Variants in MFAP3L observed in about 807,000 individuals in gnomAD.
MFAP3L encodes microfibril associated protein 3 like.
In MFAP3L, 5 loss-of-function variants were observed where a neutral mutation model predicts 20.0. The ratio of observed to expected loss-of-function variants is 0.25; its 90% CI spans 0.13 to 0.53. MFAP3L has a LOEUF of 0.53. Ranked by LOEUF, MFAP3L falls within the 20% of genes least tolerant of loss-of-function variation. The probability of loss-of-function intolerance (pLI) is 0.96; values close to 1 mark genes in which losing one functional copy is unlikely to be tolerated. For synonymous variants in MFAP3L, 219 were observed against 213.0 expected, an observed-to-expected ratio of 1.03 and a Z score of -0.25; for missense variants, 409 against 527.5, an observed-to-expected ratio of 0.78 and a Z score of 2.20.
chr4:170,019,092 G>T (rs1739874208), intron 1 of MFAP3L, among the ~76,000 whole-genome samples: 1 of 152,186 alleles, frequency 6.6e-6, no homozygotes, highest in African/African-American at 2.4e-5. Flanking sequence ...CCTAGGACCA[G>T]GGAAAACGGG....
rs867465021 is a variant in MFAP3L at position 170,005,809 on chromosome 4, G to A, written c.69C>T (p.Ser23=). The part of the protein sequence containing the change: ...LPSVPFLILV[S]TLATAKSVTN... ...TCACACTCTTAGCGGTGGCTAGAGTGGATACTAGGATTAAAAAGGGCACAG... is the reference window on the plus strand; with the variant it reads ...TCACACTCTTAGCGGTGGCTAGAGTAGATACTAGGATTAAAAAGGGCACAG... The change falls in exon 2 of 3, where the codon TCC becomes TCT. Residue 23 remains serine (S), a synonymous_variant. Transcript: ENST00000361618. 1.2e-6 allele frequency: 2 copies of A among 1,614,182 alleles called. No homozygotes were observed. The highest frequency in any genetic ancestry group is 1.7e-6 in the Non-Finnish European group (2 of 1,180,046).
intron 1 of MFAP3L, among the ~76,000 whole-genome samples, chr4:170,025,153 T>C (rs1046587596): frequency 7.2e-5 from 11 of 152,206 alleles, no homozygotes; most frequent in Admixed American, 2.0e-4. Flanking sequence ...CAAATTGCAC[T>C]TTCTGTGTAA....
At chr4:169,995,507 T>C (rs1229098218) in intron 2 of MFAP3L, among the ~76,000 whole-genome samples, 3 of 152,200 alleles carry the variant, frequency 2.0e-5, no homozygotes, top group Admixed American at 2.0e-4. Context: ...TCCTCCCGCA[T>C]CAGCTTTGGG....
At chr4:169,999,030 T>C (rs1738420874) in intron 2 of MFAP3L, among the ~76,000 whole-genome samples, 1 of 152,248 alleles carries the variant, frequency 6.6e-6, no homozygotes, top group African/African-American at 2.4e-5. Flanking sequence ...ATAGGATTCA[T>C]GCCTTTTTAC....
chr4:170,003,256 C>T (rs531695847), intron 2 of MFAP3L, among the ~76,000 whole-genome samples: 1 of 152,260 alleles, frequency 6.6e-6, no homozygotes, highest in Non-Finnish European at 1.5e-5. Flanking sequence ...CTGCTGGCTA[C>T]AAACCAGAGT....
Position 169,991,461 on chromosome 4 carries a change from G to C in MFAP3L, c.1147C>G (p.Leu383Val). 1.2e-6 allele frequency: 2 copies of C among 1,614,166 alleles called. No individual in the cohort carries two copies. The highest frequency in any genetic ancestry group is 1.7e-6 in the Non-Finnish European group (2 of 1,180,038). The change falls in exon 3 of 3, where the codon CTG becomes GTG. Residue 383 changes from leucine to valine, a missense_variant. By Grantham distance (32) the Leu-to-Val change is conservative. Coordinates refer to ENST00000361618, the MANE Select transcript of MFAP3L (RefSeq NM_021647.8). This position sits in a 1 kb window ranked among gnomAD's most constrained non-coding sequence, Gnocchi z 4.9. The part of the protein sequence containing the change: ...PTPVEVPDKV[L>V]PPAYLEATEP... ...GTGGCTTCCAGGTAAGCTGGCGGCA[G>C]TACCTTATCTGGTACCTCAACAGGT...
At position 169,990,369 on chromosome 4, in the gene MFAP3L, C is replaced by T. The variant is rs1156899537; in HGVS notation, c.*1009G>A. 1 of 152,394 alleles carries T rather than the reference C, an allele frequency of 6.6e-6. No individual in the cohort carries two copies. The highest frequency in any genetic ancestry group is 6.5e-5 in the Admixed American group (1 of 15,282). The allele number at this position is 152,394 out of a possible 1,614,324, so 9.4% of individuals were successfully genotyped here. ...AAAAGTGGACCTGGTTATATGTCAT[C>T]CAACAGCATATGGTCCCTGCAAGCC... is the stretch of plus-strand genomic sequence containing the variant. On this transcript the variant is annotated 3_prime_UTR_variant, in exon 3 of 3. Coordinates refer to ENST00000361618, the MANE Select transcript of MFAP3L (RefSeq NM_021647.8).
At chr4:170,019,193 C>T (rs963423977) in intron 1 of MFAP3L, among the ~76,000 whole-genome samples, 4 of 152,180 alleles carry the variant, frequency 2.6e-5, no homozygotes, top group African/African-American at 9.7e-5. Flanking sequence ...GGATGGTCTC[C>T]TCAGGGTGGT....
chr4:170,012,101 C>T (rs1669735003), intron 1 of MFAP3L, among the ~76,000 whole-genome samples: 1 of 152,102 alleles, frequency 6.6e-6, no homozygotes, highest in Admixed American at 6.6e-5. Context: ...AGTGACAGGG[C>T]TAGTTCTGTG....
chr4:170,014,500 T>C (rs1413093117), intron 1 of MFAP3L, among the ~76,000 whole-genome samples: 1 of 152,178 alleles, frequency 6.6e-6, no homozygotes, highest in African/African-American at 2.4e-5. Context: ...AGGTGCTTTA[T>C]GGAGGTGCTG....
rs181664353 is a variant in MFAP3L, at chr4:170,020,548, G to C, written c.-134+5686C>G. 4.1e-3 allele frequency among the ~76,000 whole-genome samples: 625 copies of C among 151,716 alleles called. 3 individuals are homozygous for C. The highest frequency in any genetic ancestry group is 7.2e-3 in the Non-Finnish European group (490 of 67,916). On this transcript the variant is annotated intron_variant, in intron 1 of 2. Coordinates refer to ENST00000361618, the MANE Select transcript of MFAP3L (RefSeq NM_021647.8). ...CAACAGTGTGAAACTCAAGTCCTAC[G>C]CAGGACCTAGGTGATTCTTCACAGT...
chr4:170,013,655 C>T (rs1432722016), intron 1 of MFAP3L, among the ~76,000 whole-genome samples: 2 of 152,176 alleles, frequency 1.3e-5, no homozygotes, highest in Non-Finnish European at 2.9e-5. Context: ...GGATTGTTTT[C>T]TTGGTTCCAT....
chr4:169,994,119 T>A (rs1737953296), intron 2 of MFAP3L: 1 of 951,234 alleles, frequency 1.1e-6, no homozygotes, highest in South Asian at 4.9e-5. Flanking sequence ...AAAGTCTAAC[T>A]GATTGAAAGC....
chr4:169,996,601 G>A (rs1271582762), intron 2 of MFAP3L, among the ~76,000 whole-genome samples: 1 of 152,120 alleles, frequency 6.6e-6, no homozygotes, highest in Non-Finnish European at 1.5e-5. Context: ...GCGAGTAAAA[G>A]AGAAAGAACT....
rs760481483 is a variant in MFAP3L, at chr4:169,991,830, C to A, written c.778G>T (p.Val260Leu). The change falls in exon 3 of 3, where the codon GTG (valine) becomes TTG (leucine). Residue 260 changes from valine to leucine, a missense_variant. Transcript: ENST00000361618. This position sits in a 1 kb window ranked among gnomAD's most constrained non-coding sequence, Gnocchi z 4.9. ...CRTIMEEIMEVVGLEEQGQNF... is the reference protein window; with the variant it reads ...CRTIMEEIMELVGLEEQGQNF... ...TGCCCCTGCTCCTCCAGCCCAACCA[C>A]CTCCATAATCTCCTCCATGATAGTC... The A allele has an allele frequency of 8.1e-6, 13 of 1,614,182 alleles. No individual in the cohort carries two copies. The highest frequency in any genetic ancestry group is 1.1e-5 in the Non-Finnish European group (13 of 1,180,042).
chr4:169,991,978 G>A lies in MFAP3L; in HGVS notation c.630C>T (p.Ile210=). Residue 210 remains isoleucine, a synonymous_variant, in exon 3 of 3, where the codon ATC becomes ATT. Coordinates refer to ENST00000361618, the MANE Select transcript of MFAP3L (RefSeq NM_021647.8). This position sits in a 1 kb window ranked among gnomAD's most constrained non-coding sequence, Gnocchi z 4.9. Reference sequence around the variant, plus strand: ...GCTCTAGAGTTTTGGCGGAGGTGATGATGGGGATGCGCTTGGCGATCTCAA... The same window carrying A: ...GCTCTAGAGTTTTGGCGGAGGTGATAATGGGGATGCGCTTGGCGATCTCAA... ...KAFEIAKRIP[I]ITSAKTLELA... 1 of 1,614,202 alleles carries A rather than the reference G, an allele frequency of 6.2e-7. No individual in the cohort carries two copies. Among genetic ancestry groups the A allele is most frequent in the Non-Finnish European group, 8.5e-7 (1 of 1,180,040 alleles).
At position 169,991,525 on chromosome 4, in the gene MFAP3L, G is replaced by C; in HGVS notation, c.1083C>G (p.Thr361=). The change falls in exon 3 of 3, where the codon ACC becomes ACG. Residue 361 remains threonine, a synonymous_variant. Transcript: ENST00000361618. The surrounding 1 kb of genome is among the most constrained non-coding windows in gnomAD (Gnocchi z 4.9). The part of the protein sequence containing the change: ...EHSPETAEPS[T]DVTSTELTSE... ...ATGTTAGCTCGGTGGACGTGACATC[G>C]GTAGAAGGTTCTGCAGTTTCGGGGG... 9 of 1,614,042 alleles carry C rather than the reference G, an allele frequency of 5.6e-6. No homozygotes were observed. The highest frequency in any genetic ancestry group is 7.6e-6 in the Non-Finnish European group (9 of 1,180,006).
intron 1 of MFAP3L, among the ~76,000 whole-genome samples, chr4:170,009,300 T>C (rs1435578813): frequency 6.6e-6 from 1 of 151,510 alleles, no homozygotes; most frequent in African/African-American, 2.4e-5. Flanking sequence ...GGAGAATCAC[T>C]TGAACCCAGG....
intron 2 of MFAP3L, chr4:169,994,048 TTCTTA>T: frequency 7.3e-6 from 4 of 547,440 alleles, no homozygotes; most frequent in Non-Finnish European, 9.3e-6. Context: ...TCAATTTATT[TTCTTA>T]TAATTTGCAT....
Sources: allele counts gnomAD v4.1 joint callset (sites outside exome capture counted in the v4.1 genomes callset), GRCh38; gene constraint gnomAD v4.1.1; non-coding constraint Gnocchi (gnomAD v3.1); transcripts MANE v1.5; gene names NCBI Gene and HGNC (gene_info 2026-07-23, HGNC 2026-07-21).